The following DEPDC7 variants were observed in gnomAD, a reference collection of about 807,000 sequenced individuals.
DEPDC7 encodes the protein DEP domain-containing protein 7.
A neutral mutation model predicts 56.6 loss-of-function variants in DEPDC7; 41 were observed. That is an observed-to-expected ratio of 0.72 (90% confidence interval 0.56 to 0.94). The LOEUF is 0.94. Among genes scored for constraint, DEPDC7 ranks in the 40% least tolerant of loss-of-function variants. The probability of loss-of-function intolerance (pLI) is 0.00; values close to 1 mark genes in which losing one functional copy is unlikely to be tolerated. For synonymous variants in DEPDC7, 185 were observed against 208.8 expected (o/e 0.89, Z 0.98); for missense variants, 522 against 596.3 (o/e 0.88, Z 1.30).
intron 4 of DEPDC7, among the ~76,000 whole-genome samples, chr11:33,029,032 T>A (rs890961019): frequency 6.6e-6 from 1 of 150,960 alleles, no homozygotes; most frequent in African/African-American, 2.4e-5. Context: ...GAAAAAAAAA[T>A]GATTATGCTT....
intron 4 of DEPDC7, 27 bp downstream of exon 4, chr11:33,028,819 G>C: frequency 6.5e-7 from 1 of 1,541,172 alleles, no homozygotes; most frequent in Non-Finnish European, 8.8e-7. Flanking sequence ...ATAATAATTT[G>C]AGTGTGTTTG....
intron 2 of DEPDC7, chr11:33,026,643 C>G (rs1045945347): frequency 1.8e-5 from 3 of 162,822 alleles, no homozygotes; most frequent in African/African-American, 7.2e-5. Context: ...GGGTCTTACC[C>G]TCTCACCCAG....
At position 33,015,920 on chromosome 11, in the gene DEPDC7, G is replaced by A; in HGVS notation, c.-36G>A. ...GCTCAGGGAGCTAGGGAGCTGTGAAGCTGCTGGAGGAGTTGGCGTCCGGGG... is the reference window on the plus strand; with the variant it reads ...GCTCAGGGAGCTAGGGAGCTGTGAAACTGCTGGAGGAGTTGGCGTCCGGGG... On this transcript the variant is annotated 5_prime_UTR_variant, in exon 1 of 9. Transcript: ENST00000241051. 1.3e-5 allele frequency: 20 copies of A among 1,546,660 alleles called. No homozygotes were observed. Among genetic ancestry groups the A allele is most frequent in the Non-Finnish European group, 1.5e-5 (17 of 1,145,138 alleles).
intron 1 of DEPDC7, among the ~76,000 whole-genome samples, chr11:33,019,977 G>A (rs1853506668): frequency 6.7e-6 from 1 of 150,128 alleles, no homozygotes. Flanking sequence ...AATTCTGTGT[G>A]TATGTTTACC....
intron 5 of DEPDC7, 84 bp downstream of exon 5, chr11:33,031,673 AC>A: frequency 1.9e-6 from 2 of 1,068,266 alleles, no homozygotes; most frequent in African/African-American, 3.2e-5. Flanking sequence ...CCAGAATAGT[AC>A]TACTACAAGC....
intron 5 of DEPDC7, 85 bp downstream of exon 5, chr11:33,031,674 C>G (rs1240243719): frequency 1.9e-6 from 2 of 1,034,752 alleles, no homozygotes; most frequent in Non-Finnish European, 2.9e-6. Context: ...CAGAATAGTA[C>G]TACTACAAGC....
At chr11:33,027,655 A>G in intron 2 of DEPDC7, 31 bp from the exon 3 acceptor site, 13 of 1,463,070 alleles carry the variant, frequency 8.9e-6, no homozygotes, top group Non-Finnish European at 1.2e-5. Context: ...GGGCTTAGTA[A>G]ATGTTCATTT....
chr11:33,025,692 C>G lies in DEPDC7; in HGVS notation c.107C>G (p.Thr36Arg), dbSNP rs977580251. Residue 36 changes from threonine (T) to arginine (R), a missense_variant, in exon 2 of 9, where the codon ACG becomes AGG. By Grantham distance (71) the Thr-to-Arg change is moderately conservative (BLOSUM62 -1). Transcript: ENST00000241051. ...FSVAQKPFGATYVWSSIINTL... is the reference protein window; with the variant it reads ...FSVAQKPFGARYVWSSIINTL... ...GTAGCTCAGAAGCCATTTGGAGCCA[C>G]GTATGTATGGAGCAGCATCATAAAC... is the stretch of plus-strand genomic sequence containing the variant. 2 of 1,611,746 alleles carry G rather than the reference C, an allele frequency of 1.2e-6. No individual in the cohort carries two copies. Among genetic ancestry groups the G allele is most frequent in the East Asian group, 2.2e-5 (1 of 44,804 alleles).
rs750915219 is a variant in DEPDC7, at chr11:33,031,471, A to C, written c.876A>C (p.Pro292=). ...VEISRSFPEQ[P]DRTDLVKELL... is the part of the protein sequence containing the mutation. ...TAAGCAGAAGCTTTCCTGAGCAACC[A>C]GACCGAACAGACTTAGTGAAAGAAC... is the stretch of plus-strand genomic sequence containing the variant. The change falls in exon 5 of 9, where the codon CCA becomes CCC. Residue 292 remains proline (P), a synonymous_variant. Transcript: ENST00000241051. The C allele has an allele frequency of 1.4e-5, 23 of 1,614,228 alleles. 3 individuals are homozygous for C. The highest frequency in any genetic ancestry group is 1.2e-4 in the Admixed American group (7 of 60,036).
At chr11:33,018,758 A>C (rs572232924) in intron 1 of DEPDC7, among the ~76,000 whole-genome samples, 178 of 152,330 alleles carry the variant, frequency 1.2e-3, no homozygotes, top group African/African-American at 4.1e-3. Context: ...TGAAGTCCAC[A>C]CTTAGATTCC....
At position 33,032,959 on chromosome 11, in the gene DEPDC7, G is replaced by A. The variant is rs998555549; in HGVS notation, c.1334G>A (p.Arg445Lys). 2.3e-5 allele frequency: 36 copies of A among 1,578,090 alleles called. No individual in the cohort carries two copies. Among genetic ancestry groups the A allele is most frequent in the Non-Finnish European group, 3.1e-5 (36 of 1,160,154 alleles). The change falls in exon 8 of 9, where the codon AGA (arginine) becomes AAA (lysine). Residue 445 changes from arginine (R) to lysine (K), a missense_variant. Physicochemically the swap from Arg to Lys is conservative, Grantham distance 26. Coordinates refer to ENST00000241051, the MANE Select transcript of DEPDC7 (RefSeq NM_001077242.2). The part of the protein sequence containing the change: ...MAIQNGRDPN[R>K]DAGYIYCQRI... ...ATACAGAACGGAAGAGATCCAAATAGAGATGCAGGTAATCTGAGAAATATT... is the reference window on the plus strand; with the variant it reads ...ATACAGAACGGAAGAGATCCAAATAAAGATGCAGGTAATCTGAGAAATATT...
intron 1 of DEPDC7, among the ~76,000 whole-genome samples, chr11:33,017,572 C>T (rs144508743): frequency 6.6e-6 from 1 of 152,206 alleles, no homozygotes; most frequent in Non-Finnish European, 1.5e-5. Flanking sequence ...TGTTCTCACT[C>T]GTTTTGCTTG....
intron 8 of DEPDC7, 134 bp downstream of exon 8, chr11:33,033,101 A>T (rs536323740): frequency 2.2e-6 from 2 of 922,682 alleles, no homozygotes; most frequent in South Asian, 3.7e-5. Flanking sequence ...TATTCATACA[A>T]AGCAACTTTA....
At chr11:33,033,016 G>T in intron 8 of DEPDC7, 49 bp downstream of exon 8, 1 of 1,403,816 alleles carries the variant, frequency 7.1e-7, no homozygotes, top group Non-Finnish European at 9.8e-7. Flanking sequence ...CAAATTTCAG[G>T]TGTTTTTTGA....
chr11:33,033,467 CTG>C lies in DEPDC7; in HGVS notation c.*14_*15del. On this transcript the variant is annotated 3_prime_UTR_variant, in exon 9 of 9. Transcript: ENST00000241051. ...ATTTTGGAGACTGAGTTTTTAATAT[CTG>C]TATATAAGTTGTGTATTTTAAGAAT... 6.6e-7 allele frequency: 1 copy of C among 1,509,386 alleles called. No homozygotes were observed. The highest frequency in any genetic ancestry group is 9.0e-7 in the Non-Finnish European group (1 of 1,115,402). 93.5% of individuals were successfully genotyped at this position (1,509,386 alleles called of 1,614,324 possible). A position where few individuals can be genotyped will look rare whatever the true frequency, so the allele number is the denominator to read the frequency against.
chr11:33,016,056 T>C, intron 1 of DEPDC7, 28 bp downstream of exon 1: 2 of 1,459,782 alleles, frequency 1.4e-6, no homozygotes, highest in East Asian at 3.0e-5. Context: ...CCGCCTGGGA[T>C]GGCGCGGGGC....
chr11:33,020,324 G>T (rs1017800182), intron 1 of DEPDC7, among the ~76,000 whole-genome samples: 1 of 152,072 alleles, frequency 6.6e-6, no homozygotes, highest in East Asian at 1.9e-4. Context: ...TTTGGTAAAC[G>T]TTTTTTATGG....
At chr11:33,021,406 A>G (rs996662464) in intron 1 of DEPDC7, among the ~76,000 whole-genome samples, 1 of 152,212 alleles carries the variant, frequency 6.6e-6, no homozygotes, top group African/African-American at 2.4e-5. Flanking sequence ...CTTAAAAAAC[A>G]TTCATTGTCT....
At position 33,027,747 on chromosome 11, in the gene DEPDC7, G is replaced by A. The variant is rs1489779983; in HGVS notation, c.526G>A (p.Glu176Lys). Reference protein sequence around the residue: ...IRSASLEDLWENLSLKPANSP... With the variant: ...IRSASLEDLWKNLSLKPANSP... The stretch of plus-strand genomic sequence containing the variant: ...ATCAGCCAGTTTAGAGGACCTGTGG[G>A]AAAATCTGAGTTTAAAGCCTGCCAA... The change falls in exon 3 of 9, where the codon GAA becomes AAA. Residue 176 changes from glutamate (E) to lysine (K), a missense_variant. Physicochemically the swap from Glu to Lys is moderately conservative, Grantham distance 56 (BLOSUM62 1). Coordinates refer to ENST00000241051, the MANE Select transcript of DEPDC7 (RefSeq NM_001077242.2). The A allele has an allele frequency of 3.8e-6, 6 of 1,576,964 alleles. No individual in the cohort carries two copies. In the African/African-American group the frequency reaches 8.3e-5, roughly 22 times the overall value.
Sources: allele counts gnomAD v4.1 joint callset (sites outside exome capture counted in the v4.1 genomes callset), GRCh38; gene constraint gnomAD v4.1.1; transcripts MANE v1.5; gene names NCBI Gene and HGNC (gene_info 2026-07-23, HGNC 2026-07-21).